Variants in GALNTL6 observed in about 807,000 individuals in gnomAD.
The protein encoded by GALNTL6 is polypeptide N-acetylgalactosaminyltransferase-like 6.
A neutral mutation model predicts 73.7 loss-of-function variants in GALNTL6; 46 were observed. The observed-to-expected ratio is 0.62, with a 90% CI of 0.49 to 0.80. The LOEUF is 0.80. Among genes scored for constraint, GALNTL6 ranks in the 30% least tolerant of loss-of-function variants. The pLI is 0.00. For missense variants in GALNTL6, 604 were observed against 755.0 expected (o/e 0.80, Z 2.34); for synonymous variants, 259 against 263.7 (o/e 0.98, Z 0.17).
intron 7 of GALNTL6, among the ~76,000 whole-genome samples, chr4:172,864,951 T>C (rs1371106540): frequency 6.6e-6 from 1 of 152,098 alleles, no homozygotes; most frequent in African/African-American, 2.4e-5. Flanking sequence ...AGCCATAGAG[T>C]GTCACTGTTA....
chr4:172,307,365 T>G (rs1740176462), intron 3 of GALNTL6, among the ~76,000 whole-genome samples: 1 of 152,164 alleles, frequency 6.6e-6, no homozygotes, highest in African/African-American at 2.4e-5. Flanking sequence ...TTTAATTAAG[T>G]CCCATCTATT....
chr4:172,514,491 G>A (rs961785683), intron 5 of GALNTL6, among the ~76,000 whole-genome samples: 3 of 152,126 alleles, frequency 2.0e-5, no homozygotes, highest in East Asian at 1.9e-4. Context: ...GGACTTTGCC[G>A]CAAGCTACCA....
At chr4:172,470,277 T>G (rs1436231719) in intron 5 of GALNTL6, among the ~76,000 whole-genome samples, 3 of 152,160 alleles carry the variant, frequency 2.0e-5, no homozygotes, top group African/African-American at 7.2e-5. Flanking sequence ...TTTAGTAATA[T>G]CTATATTCAA....
chr4:172,711,984 G>A (rs570689404), intron 5 of GALNTL6, among the ~76,000 whole-genome samples: 6 of 152,280 alleles, frequency 3.9e-5, no homozygotes, highest in African/African-American at 1.4e-4. Context: ...CAGGAAAAGA[G>A]CACTTCAAGA....
At chr4:172,347,574 A>G (rs182861436) in intron 4 of GALNTL6, among the ~76,000 whole-genome samples, 11 of 152,150 alleles carry the variant, frequency 7.2e-5, no homozygotes, top group Admixed American at 1.3e-4. Context: ...CATTAACACT[A>G]TTTTCCAGAT....
chr4:172,648,918 A>C (rs1740359732), intron 5 of GALNTL6, among the ~76,000 whole-genome samples: 1 of 152,086 alleles, frequency 6.6e-6, no homozygotes. Flanking sequence ...CTTACTCTTT[A>C]CCTTACCTCT....
intron 2 of GALNTL6, among the ~76,000 whole-genome samples, chr4:171,902,335 T>C (rs1737123467): frequency 6.6e-6 from 1 of 152,228 alleles, no homozygotes; most frequent in African/African-American, 2.4e-5. Flanking sequence ...TTCAGGTGTC[T>C]GCAAATTTGG....
At chr4:172,660,758 A>G (rs1396517238) in intron 5 of GALNTL6, among the ~76,000 whole-genome samples, 3 of 152,194 alleles carry the variant, frequency 2.0e-5, no homozygotes, top group Admixed American at 2.0e-4. Flanking sequence ...TAATGCTATA[A>G]ATTATAGCAG....
At chr4:172,794,382 T>C (rs1014254623) in intron 5 of GALNTL6, among the ~76,000 whole-genome samples, 4 of 152,220 alleles carry the variant, frequency 2.6e-5, no homozygotes, top group African/African-American at 9.6e-5. Flanking sequence ...TAGGCAATGC[T>C]AGTTTGTTGT....
chr4:172,642,845 T>G (rs1007253390), intron 5 of GALNTL6, among the ~76,000 whole-genome samples: 54 of 152,048 alleles, frequency 3.6e-4, no homozygotes, highest in African/African-American at 1.3e-3. Flanking sequence ...TTTTTATTTG[T>G]GAATTAAATT....
intron 2 of GALNTL6, among the ~76,000 whole-genome samples, chr4:171,938,894 G>A (rs1419982950): frequency 6.6e-6 from 1 of 152,074 alleles, no homozygotes; most frequent in Non-Finnish European, 1.5e-5. Context: ...AATGTAAATT[G>A]ATAGCATTTT....
Position 172,859,912 on chromosome 4 carries a change from G to A in GALNTL6, c.924-22878G>A, listed in dbSNP as rs112216303. 4.3e-3 allele frequency among the ~76,000 whole-genome samples: 653 copies of A among 152,204 alleles called. 7 individuals are homozygous for A. The highest frequency in any genetic ancestry group is 0.015 in the African/African-American group (603 of 41,516). ...TCTCCCATCACCCCCAGATGGGACC[G>A]TCTAGTTGCAGAAAAAATAAGCTCA... On this transcript the variant is annotated intron_variant, in intron 7 of 12. Transcript: ENST00000506823.
intron 5 of GALNTL6, among the ~76,000 whole-genome samples, chr4:172,757,376 G>T (rs6812449): frequency 0.15 from 22,203 of 152,122 alleles, 1,887 homozygotes; most frequent in East Asian, 0.26. Context: ...AATGTACTAT[G>T]GTACTGCCCA....
At chr4:172,607,373 A>G (rs1405057223) in intron 5 of GALNTL6, among the ~76,000 whole-genome samples, 1 of 152,110 alleles carries the variant, frequency 6.6e-6, no homozygotes, top group Non-Finnish European at 1.5e-5. Context: ...TAGCTCCCAC[A>G]TATAAGTGAA....
chr4:171,964,429 T>C (rs1280945879), intron 2 of GALNTL6, among the ~76,000 whole-genome samples: 1 of 152,208 alleles, frequency 6.6e-6, no homozygotes, highest in Non-Finnish European at 1.5e-5. Context: ...AGGTATAGAC[T>C]AACACCAAGG....
chr4:172,233,216 A>AG (rs1490421809), intron 3 of GALNTL6, among the ~76,000 whole-genome samples: 1 of 151,662 alleles, frequency 6.6e-6, no homozygotes, highest in East Asian at 1.9e-4. Flanking sequence ...AAAAAAAAAA[A>AG]AAAAAAAATT....
intron 2 of GALNTL6, among the ~76,000 whole-genome samples, chr4:172,141,467 AT>A (rs1733795578): frequency 6.6e-6 from 1 of 152,026 alleles, no homozygotes; most frequent in Non-Finnish European, 1.5e-5. Flanking sequence ...TTTGATTCAT[AT>A]TTTATTTTAA....
chr4:172,250,999 C>T (rs1032970002), intron 3 of GALNTL6, among the ~76,000 whole-genome samples: 9 of 151,778 alleles, frequency 5.9e-5, no homozygotes, highest in Non-Finnish European at 1.0e-4. Context: ...CACATTGGGC[C>T]CAGGATGATG....
At chr4:172,107,532 T>C (rs922914982) in intron 2 of GALNTL6, among the ~76,000 whole-genome samples, 5 of 151,722 alleles carry the variant, frequency 3.3e-5, no homozygotes, top group African/African-American at 7.3e-5. Flanking sequence ...TGTAGGGACA[T>C]GGATGAAGCT....
Sources: allele counts gnomAD v4.1 joint callset (sites outside exome capture counted in the v4.1 genomes callset), GRCh38; gene constraint gnomAD v4.1.1; transcripts MANE v1.5; gene names NCBI Gene and HGNC (gene_info 2026-07-23, HGNC 2026-07-21).